The following KIAA1217 variants were observed in gnomAD, a reference collection of about 807,000 sequenced individuals.
KIAA1217 encodes the protein KIAA1217.
Under a neutral mutation model 163.9 loss-of-function variants are expected in KIAA1217, and 88 were observed. The observed-to-expected ratio is 0.54, with a 90% CI of 0.45 to 0.64. The LOEUF (loss-of-function observed/expected upper bound fraction) is 0.64. Ranked by LOEUF, KIAA1217 falls within the 30% of genes least tolerant of loss-of-function variation. KIAA1217 has a pLI of 0.00. For missense variants in KIAA1217, 2,372 were observed against 2,475.0 expected, an observed-to-expected ratio of 0.96 and a Z score of 0.88; for synonymous variants, 903 against 923.1, an observed-to-expected ratio of 0.98 and a Z score of 0.39.
At chr10:24,381,113 C>T (rs185271657) in intron 3 of KIAA1217, 46 bp downstream of exon 3, 75 of 1,406,970 alleles carry the variant, frequency 5.3e-5, no homozygotes, top group East Asian at 2.4e-4. Context: ...TTACTGAATG[C>T]GTTTGTTGTT....
chr10:23,696,837 AC>A (rs1836077679), intron 1 of KIAA1217, among the ~76,000 whole-genome samples: 1 of 152,232 alleles, frequency 6.6e-6, no homozygotes, highest in Non-Finnish European at 1.5e-5. Context: ...CCACCACTGC[AC>A]CTGCACATAG....
chr10:24,192,273 AT>A (rs1338920527), intron 2 of KIAA1217, among the ~76,000 whole-genome samples: 3 of 152,188 alleles, frequency 2.0e-5, no homozygotes, highest in African/African-American at 7.2e-5. Context: ...ATTCTTCTCT[AT>A]GTCCCTGTGT....
chr10:24,300,468 T>G (rs1030881587), intron 2 of KIAA1217, among the ~76,000 whole-genome samples: 1 of 152,196 alleles, frequency 6.6e-6, no homozygotes, highest in African/African-American at 2.4e-5. Flanking sequence ...TTGAGTAGTA[T>G]AAATATATCC....
chr10:23,821,884 C>T (rs941521473), intron 1 of KIAA1217, among the ~76,000 whole-genome samples: 8 of 152,130 alleles, frequency 5.3e-5, no homozygotes, highest in South Asian at 4.1e-4. Context: ...TGCTGAGATG[C>T]GTGTTGTCCA....
intron 5 of KIAA1217, among the ~76,000 whole-genome samples, chr10:24,453,253 ACTAT>A (rs1446525931): frequency 7.7e-6 from 1 of 130,046 alleles, no homozygotes. Flanking sequence ...TTAGAAAAAC[ACTAT>A]CTATTTGACT....
intron 1 of KIAA1217, among the ~76,000 whole-genome samples, chr10:23,732,955 T>C (rs1172215698): frequency 2.6e-5 from 4 of 152,188 alleles, no homozygotes; most frequent in African/African-American, 7.2e-5. Context: ...ATTTACTTAA[T>C]GTATTTTATA....
rs534956342 is a variant in KIAA1217 at position 23,867,794 on chromosome 10, C to T, written c.-320-139431C>T. 5.7e-4 allele frequency among the ~76,000 whole-genome samples: 87 copies of T among 152,082 alleles called. 1 individual carries two copies. The highest frequency in any genetic ancestry group is 2.0e-3 in the African/African-American group (83 of 41,492). ...TAGGTTGTGAAAATTTTCTCCCATT[C>T]TGTAGGTTGCCTGTTCACTCTGATG... On this transcript the variant is annotated intron_variant, in intron 1 of 18. Transcript: ENST00000376462.
In KIAA1217 at chr10:24,513,786, TAA is replaced by T. The variant is rs10711541; in HGVS notation, c.2177+367_2177+368del. On this transcript the variant is annotated intron_variant, in intron 10 of 20. Transcript: ENST00000376454. Reference sequence around the variant, plus strand: ...GGTAACACAGGGAGATCCTGTCTCTTAAAAAAAAAAAAAAAACAGAGAGAGTT... The same window carrying T: ...GGTAACACAGGGAGATCCTGTCTCTTAAAAAAAAAAAAAACAGAGAGAGTT... 5.0e-3 allele frequency among the ~76,000 whole-genome samples: 701 copies of T among 140,718 alleles called. 9 individuals are homozygous for T. Among genetic ancestry groups the T allele is most frequent in the African/African-American group, 0.016 (621 of 38,380 alleles). 92.3% of individuals were successfully genotyped at this position (140,718 alleles called of 152,430 possible).
At chr10:23,939,713 C>T (rs1843675270) in intron 1 of KIAA1217, among the ~76,000 whole-genome samples, 1 of 151,346 alleles carries the variant, frequency 6.6e-6, no homozygotes, top group Non-Finnish European at 1.5e-5. Context: ...AACAAGTAGA[C>T]AGAGAATCAT....
intron 1 of KIAA1217, among the ~76,000 whole-genome samples, chr10:23,952,040 C>G (rs140661373): frequency 6.6e-6 from 1 of 152,130 alleles, no homozygotes; most frequent in African/African-American, 2.4e-5. Flanking sequence ...CCCGCCTTCC[C>G]GAAAGGCTGA....
intron 2 of KIAA1217, among the ~76,000 whole-genome samples, chr10:24,175,015 C>A (rs2131927095): frequency 8.5e-6 from 1 of 116,982 alleles, no homozygotes; most frequent in East Asian, 2.2e-4. Flanking sequence ...CACCACCATG[C>A]CTGGCTAATT....
intron 12 of KIAA1217, among the ~76,000 whole-genome samples, 197 bp from the exon 13 acceptor site, chr10:24,524,126 C>T (rs1010200800): frequency 6.6e-6 from 1 of 152,144 alleles, no homozygotes; most frequent in Non-Finnish European, 1.5e-5. Context: ...ACCCACCCCC[C>T]AAACAATGAT....
At chr10:24,309,347 C>CGA (rs1471667300) in intron 2 of KIAA1217, among the ~76,000 whole-genome samples, 1 of 132,266 alleles carries the variant, frequency 7.6e-6, no homozygotes, top group African/African-American at 2.7e-5. Flanking sequence ...CGCACGCGCG[C>CGA]GCGCACACAC....
intron 2 of KIAA1217, among the ~76,000 whole-genome samples, chr10:24,299,928 A>C (rs1354230849): frequency 6.6e-6 from 1 of 152,092 alleles, no homozygotes. Flanking sequence ...GAAGCTGTGC[A>C]TGCTCCATGT....
chr10:24,371,781 G>T (rs779653070), intron 2 of KIAA1217, among the ~76,000 whole-genome samples: 1 of 152,170 alleles, frequency 6.6e-6, no homozygotes, highest in Non-Finnish European at 1.5e-5. Context: ...ACCATAGACA[G>T]GAATCCTTCT....
chr10:23,990,774 T>C (rs188117764), intron 1 of KIAA1217, among the ~76,000 whole-genome samples: 181 of 152,312 alleles, frequency 1.2e-3, no homozygotes, highest in Admixed American at 3.0e-3. Flanking sequence ...CACTATGACA[T>C]CTCTACAAAG....
chr10:24,167,158 T>C (rs903995305), intron 2 of KIAA1217, among the ~76,000 whole-genome samples: 1 of 149,484 alleles, frequency 6.7e-6, no homozygotes, highest in African/African-American at 2.5e-5. Context: ...TCCTTTCTGC[T>C]TGGACTTCTC....
At chr10:24,056,427 G>C (rs116789110) in intron 2 of KIAA1217, among the ~76,000 whole-genome samples, 2,175 of 152,094 alleles carry the variant, frequency 0.014, 52 homozygotes, top group African/African-American at 0.05. Context: ...GAAAACTCTT[G>C]GCTCACCCTC....
intron 2 of KIAA1217, among the ~76,000 whole-genome samples, chr10:24,293,468 G>A (rs1278563169): frequency 6.6e-6 from 1 of 152,234 alleles, no homozygotes; most frequent in African/African-American, 2.4e-5. Flanking sequence ...CTAGAGGAAA[G>A]CACCTGGCAT....
Sources: gnomAD v4.1 joint callset for allele counts (sites outside exome capture counted in the v4.1 genomes callset) on GRCh38, gnomAD v4.1.1 for gene constraint, MANE v1.5 for transcripts, NCBI Gene and HGNC (gene_info 2026-07-23, HGNC 2026-07-21) for gene names.